The following TENM2 variants were observed in gnomAD, a reference collection of about 807,000 sequenced individuals.
TENM2 encodes teneurin-2.
A neutral mutation model predicts 245.2 loss-of-function variants in TENM2; 52 were observed. The ratio of observed to expected loss-of-function variants is 0.21; its 90% CI spans 0.17 to 0.27. The LOEUF is 0.27. Ranked by LOEUF, TENM2 falls within the 10% of genes least tolerant of loss-of-function variation. The pLI, the probability that TENM2 is intolerant of heterozygous loss-of-function variation, is 1.00. For synonymous variants in TENM2, 1,363 were observed against 1,438.9 expected (o/e 0.95, Z 1.19); for missense variants, 3,046 against 3,666.8 (o/e 0.83, Z 4.37).
chr5:167,245,642 A>G, the TENM2 span, among the ~76,000 whole-genome samples: 1 of 152,204 alleles, frequency 6.6e-6, no homozygotes, highest in Non-Finnish European at 1.5e-5. Context: ...CAATGGTTCA[A>G]TAAGTTATGG....
chr5:168,219,850 G>C (rs77711794), intron 23 of TENM2, among the ~76,000 whole-genome samples: 2 of 72,962 alleles, frequency 2.7e-5, no homozygotes, highest in African/African-American at 7.9e-5. Flanking sequence ...AAAAAAAAAA[G>C]CGGGGGACAA....
At chr5:168,201,211 A>G (rs1761909572) in intron 17 of TENM2, among the ~76,000 whole-genome samples, 1 of 152,082 alleles carries the variant, frequency 6.6e-6, no homozygotes, top group Admixed American at 6.5e-5. Flanking sequence ...TAACCAAGGT[A>G]GTAAGAAGTT....
chr5:167,899,852 C>T (rs1345718592), intron 3 of TENM2, among the ~76,000 whole-genome samples: 2 of 152,026 alleles, frequency 1.3e-5, no homozygotes, highest in Non-Finnish European at 2.9e-5. Flanking sequence ...GAACGGCATC[C>T]GACTCTTACA....
the TENM2 span, among the ~76,000 whole-genome samples, chr5:167,184,159 C>T: frequency 2.6e-5 from 4 of 152,216 alleles, 1 homozygote; most frequent in South Asian, 8.3e-4. Context: ...TTGAAGATAT[C>T]CGAGAAAATG....
chr5:168,252,763 C>T (rs1767233546), intron 27 of TENM2, among the ~76,000 whole-genome samples: 1 of 151,000 alleles, frequency 6.6e-6, no homozygotes, highest in African/African-American at 2.4e-5. Flanking sequence ...AAGAGAATCG[C>T]TTTAACTTGG....
intron 5 of TENM2, among the ~76,000 whole-genome samples, chr5:168,002,299 C>A (rs1011464839): frequency 1.3e-5 from 2 of 152,210 alleles, no homozygotes; most frequent in Non-Finnish European, 2.9e-5. Flanking sequence ...CCCCTAGGGA[C>A]TCTGTCTTTA....
chr5:167,240,949 G>T, the TENM2 span, among the ~76,000 whole-genome samples: 1 of 152,168 alleles, frequency 6.6e-6, no homozygotes, highest in African/African-American at 2.4e-5. Flanking sequence ...GTCTATAAAA[G>T]CATATCTCCA....
At chr5:168,087,311 C>T (rs1416064591) in intron 7 of TENM2, 1 of 152,106 alleles carries the variant, frequency 6.6e-6, no homozygotes, top group African/African-American at 2.4e-5. Context: ...TCCTGTTGTC[C>T]TATAAGAAAT....
intron 2 of TENM2, among the ~76,000 whole-genome samples, chr5:167,860,251 C>T (rs1771637941): frequency 6.1e-5 from 8 of 131,842 alleles, no homozygotes; most frequent in Admixed American, 5.7e-4. Flanking sequence ...GGGGGTCAGC[C>T]CCCCCGCCCG....
chr5:168,185,971 TTTATA>T (rs1760387274), intron 13 of TENM2: 1 of 6,246 alleles, frequency 1.6e-4, no homozygotes, highest in Non-Finnish European at 2.8e-4. Context: ...TATATTTGAA[TTTATA>T]TATATATATA....
the TENM2 span, among the ~76,000 whole-genome samples, chr5:167,187,793 C>T: frequency 6.6e-6 from 1 of 152,098 alleles, no homozygotes; most frequent in Admixed American, 6.6e-5. Flanking sequence ...GAATTCACAA[C>T]CATCTCCCAC....
At chr5:168,101,494 G>A (rs1793811474) in intron 9 of TENM2, among the ~76,000 whole-genome samples, 2 of 151,574 alleles carry the variant, frequency 1.3e-5, no homozygotes, top group Admixed American at 6.6e-5. Flanking sequence ...TCTGTAATGG[G>A]GTGTCCATTT....
At chr5:167,818,154 T>A (rs992532207) in intron 2 of TENM2, among the ~76,000 whole-genome samples, 4 of 152,180 alleles carry the variant, frequency 2.6e-5, no homozygotes, top group African/African-American at 9.7e-5. Flanking sequence ...AATCTCCTTT[T>A]TAAAAAGGTA....
At chr5:167,847,693 TC>T (rs2151190453) in intron 2 of TENM2, among the ~76,000 whole-genome samples, 1 of 152,348 alleles carries the variant, frequency 6.6e-6, no homozygotes, top group South Asian at 2.1e-4. Context: ...TTGAAATGTT[TC>T]TGTATCTATG....
chr5:167,328,204 G>GTTTTTTTTTTTTTTTT (rs70976412), intron 1 of TENM2, among the ~76,000 whole-genome samples: 3 of 91,016 alleles, frequency 3.3e-5, no homozygotes, highest in Admixed American at 1.5e-4. Flanking sequence ...TTCTCATATC[G>GTTTTTTTTTTTTTTTT]TTTTTTTTTT....
At chr5:168,214,506 A>G (rs1460104164) in intron 20 of TENM2, among the ~76,000 whole-genome samples, 2 of 152,242 alleles carry the variant, frequency 1.3e-5, no homozygotes, top group African/African-American at 4.8e-5. Flanking sequence ...GCAGTAAAGA[A>G]GCAAGCTCTG....
chr5:167,836,712 T>C (rs2151124419), intron 2 of TENM2, among the ~76,000 whole-genome samples: 1 of 152,188 alleles, frequency 6.6e-6, no homozygotes, highest in Middle Eastern at 3.4e-3. Flanking sequence ...ATTAAATCAG[T>C]GACATCAGAG....
chr5:167,908,832 G>C (rs970553885), intron 3 of TENM2, among the ~76,000 whole-genome samples: 9 of 151,670 alleles, frequency 5.9e-5, no homozygotes, highest in Non-Finnish European at 1.3e-4. Context: ...TGTGTAAAGA[G>C]GAAGCTACCA....
At chr5:167,438,642 C>T (rs1764710684) in intron 2 of TENM2, among the ~76,000 whole-genome samples, 1 of 152,172 alleles carries the variant, frequency 6.6e-6, no homozygotes, top group Admixed American at 6.5e-5. Context: ...CGTGATTCGT[C>T]CGCCTTGGCC....
Sources: allele counts gnomAD v4.1 joint callset (sites outside exome capture counted in the v4.1 genomes callset), GRCh38; gene constraint gnomAD v4.1.1; transcripts MANE v1.5; gene names NCBI Gene and HGNC (gene_info 2026-07-23, HGNC 2026-07-21).